MCPH1: variants seen among roughly 807,000 people sequenced by gnomAD.
The protein encoded by MCPH1 is microcephalin 1, also known as microcephalin.
MCPH1 carries 104 observed loss-of-function variants against 84.5 expected under a neutral mutation model. The ratio of observed to expected loss-of-function variants is 1.23; its 90% confidence interval spans 1.05 to 1.45. The LOEUF (loss-of-function observed/expected upper bound fraction) is 1.45. MCPH1 is among the 40% of genes most tolerant of loss of function. MCPH1 has a pLI of 0.00. For synonymous variants in MCPH1, 514 were observed against 366.8 expected, an observed-to-expected ratio of 1.40 and a Z score of -4.58; for missense variants, 1,498 against 1,005.7, an observed-to-expected ratio of 1.49 and a Z score of -6.62.
chr8:6,504,687 G>T (rs918931895), intron 12 of MCPH1, among the ~76,000 whole-genome samples: 1 of 152,044 alleles, frequency 6.6e-6, no homozygotes, highest in African/African-American at 2.4e-5. Context: ...CGTACACTAA[G>T]GATGCTAAGA....
intron 11 of MCPH1, among the ~76,000 whole-genome samples, chr8:6,486,779 C>G (rs900926465): frequency 6.6e-6 from 1 of 152,146 alleles, no homozygotes; most frequent in Non-Finnish European, 1.5e-5. Flanking sequence ...GGAAGTAACA[C>G]AACAGAAAAA....
chr8:6,406,869 TGCTCCTGCTCTCTCCCCCGCTGCCTGTC>T (rs1797778641), intron 1 of MCPH1, among the ~76,000 whole-genome samples, 180 bp downstream of exon 1: 1 of 4,792 alleles, frequency 2.1e-4, no homozygotes, highest in African/African-American at 5.0e-4. Flanking sequence ...CAAAACCCCC[TGCTCCTGCTCTCTCCCCCGCTGCCTGTC>T]CCCCCAAAAC....
At chr8:6,637,345 G>A (rs1157366178) in intron 13 of MCPH1, among the ~76,000 whole-genome samples, 1 of 152,220 alleles carries the variant, frequency 6.6e-6, no homozygotes, top group African/African-American at 2.4e-5. Flanking sequence ...TGGCATTTGA[G>A]CTGAGGCCCA....
intron 2 of MCPH1, among the ~76,000 whole-genome samples, chr8:6,410,294 C>G (rs997417240): frequency 6.6e-6 from 1 of 151,814 alleles, no homozygotes; most frequent in Non-Finnish European, 1.5e-5. Flanking sequence ...TTTTAATTGC[C>G]TTTCAGAACT....
chr8:6,595,305 AT>A (rs1828834623), intron 12 of MCPH1, among the ~76,000 whole-genome samples: 1 of 152,180 alleles, frequency 6.6e-6, no homozygotes, highest in Non-Finnish European at 1.5e-5. Context: ...CAAATAGGGT[AT>A]GTACTGTAGG....
intron 11 of MCPH1, among the ~76,000 whole-genome samples, chr8:6,484,914 A>G (rs1231066493): frequency 6.6e-6 from 1 of 152,240 alleles, no homozygotes. Context: ...TCTTTGGGGC[A>G]TTGGAATTGT....
At chr8:6,407,766 A>G (rs867084962) in intron 1 of MCPH1, among the ~76,000 whole-genome samples, 1 of 152,190 alleles carries the variant, frequency 6.6e-6, no homozygotes, top group Non-Finnish European at 1.5e-5. Flanking sequence ...TTTTGAGAAG[A>G]GGATATCCAC....
chr8:6,455,899 A>G (rs1330264475), intron 9 of MCPH1, among the ~76,000 whole-genome samples: 1 of 152,192 alleles, frequency 6.6e-6, no homozygotes, highest in East Asian at 1.9e-4. Context: ...TCAGAATGGT[A>G]GGGAAAAACC....
chr8:6,505,474 T>TAC lies in MCPH1; in HGVS notation c.2214+5546_2214+5547insCA, dbSNP rs1465702085. Among the ~76,000 whole-genome samples, 317 of 50,242 alleles carry TAC rather than the reference T, an allele frequency of 6.3e-3. 1 individual carries two copies. Among genetic ancestry groups the TAC allele is most frequent in the African/African-American group, 0.014 (173 of 12,138 alleles). The allele number at this position is 50,242 out of a possible 152,430, so 33.0% of individuals were successfully genotyped here. On this transcript the variant is annotated intron_variant, in intron 12 of 13. Coordinates refer to ENST00000344683, the MANE Select transcript of MCPH1 (RefSeq NM_024596.5). Reference sequence around the variant, plus strand: ...ATATAGAATATATATATTCTTTACATATATAGAATATATATATTCTTTATA... The same window carrying TAC: ...ATATAGAATATATATATTCTTTACATACATATAGAATATATATATTCTTTATA...
At chr8:6,548,931 C>CCT (rs1365541817) in intron 12 of MCPH1, among the ~76,000 whole-genome samples, 1 of 152,208 alleles carries the variant, frequency 6.6e-6, no homozygotes, top group African/African-American at 2.4e-5. Flanking sequence ...TCCTTGTTAA[C>CCT]CTCTGGTTAT....
In MCPH1 at chr8:6,505,362, T is replaced by C. The variant is rs527634744; in HGVS notation, c.2214+5433T>C. 1.7e-3 allele frequency among the ~76,000 whole-genome samples: 88 copies of C among 50,644 alleles called. 4 individuals carry two copies. The highest frequency in any genetic ancestry group is 0.011 in the Admixed American group (52 of 4,858). The allele number at this position is 50,644 out of a possible 152,430, so 33.2% of individuals were successfully genotyped here. ...AGAATATATATATTCTTTCTATATG[T>C]ATATAGAATATATATATTCTTTCTA... On this transcript the variant is annotated intron_variant, in intron 12 of 13. Coordinates refer to ENST00000344683, the MANE Select transcript of MCPH1 (RefSeq NM_024596.5).
At chr8:6,419,368 G>C (rs1304814885) in intron 3 of MCPH1, among the ~76,000 whole-genome samples, 2 of 150,556 alleles carry the variant, frequency 1.3e-5, no homozygotes, top group Non-Finnish European at 2.9e-5. Flanking sequence ...CTGTAGGCAT[G>C]TGCCACCATG....
At chr8:6,492,484 C>G (rs1409683673) in intron 11 of MCPH1, among the ~76,000 whole-genome samples, 1 of 151,682 alleles carries the variant, frequency 6.6e-6, no homozygotes, top group African/African-American at 2.4e-5. Flanking sequence ...TTAATTAGAT[C>G]CCATTTATCA....
At chr8:6,449,010 ACATTT>A (rs1804750039) in intron 8 of MCPH1, among the ~76,000 whole-genome samples, 1 of 152,202 alleles carries the variant, frequency 6.6e-6, no homozygotes, top group African/African-American at 2.4e-5. Flanking sequence ...GGGAATAATA[ACATTT>A]CATTTAATTG....
chr8:6,643,268 T>G lies in MCPH1; in HGVS notation c.*219T>G. On this transcript the variant is annotated 3_prime_UTR_variant, in exon 14 of 14. Coordinates refer to ENST00000344683, the MANE Select transcript of MCPH1 (RefSeq NM_024596.5). ...GCTTCGGGCCTTTTTATTTTTATTT[T>G]ATTTTTTATTTTTTGAGACGGAGTC... The G allele has an allele frequency of 1.8e-6, 1 of 566,590 alleles. No homozygotes were observed. Among genetic ancestry groups the G allele is most frequent in the Non-Finnish European group, 3.1e-6 (1 of 320,436 alleles). The allele number at this position is 566,590 out of a possible 1,614,324, so 35.1% of individuals were successfully genotyped here. A position where few individuals can be genotyped will look rare whatever the true frequency, so the allele number is the denominator to read the frequency against.
At chr8:6,552,534 T>C (rs546071487) in intron 12 of MCPH1, among the ~76,000 whole-genome samples, 1 of 152,336 alleles carries the variant, frequency 6.6e-6, no homozygotes, top group East Asian at 1.9e-4. Context: ...TGACTGGAAT[T>C]ATAACCTTTA....
intron 1 of MCPH1, among the ~76,000 whole-genome samples, chr8:6,407,798 A>G (rs965211827): frequency 6.6e-6 from 1 of 152,200 alleles, no homozygotes; most frequent in Non-Finnish European, 1.5e-5. Context: ...TCCACTCACT[A>G]TGCCCCCCAG....
rs370946832 is a variant in MCPH1 at position 6,476,460 on chromosome 8, T to C, written c.1936-1134T>C. Among the ~76,000 whole-genome samples, 53 of 147,492 alleles carry C rather than the reference T, an allele frequency of 3.6e-4. No homozygotes were observed. In the South Asian group the frequency reaches 8.8e-3, roughly 25 times the overall value. On this transcript the variant is annotated intron_variant, in intron 9 of 13. Coordinates refer to ENST00000344683, the MANE Select transcript of MCPH1 (RefSeq NM_024596.5). ...AAAAAAAAAAAGAAGAAGAAAAAAA[T>C]TCAGTCATAGACCAAACTTAAAAGC... is the stretch of plus-strand genomic sequence containing the variant.
intron 8 of MCPH1, among the ~76,000 whole-genome samples, chr8:6,453,989 A>C (rs1460806511): frequency 6.6e-6 from 1 of 152,180 alleles, no homozygotes; most frequent in Non-Finnish European, 1.5e-5. Flanking sequence ...GAAAGTATTA[A>C]CATTTTTATT....
Sources: allele counts gnomAD v4.1 joint callset (sites outside exome capture counted in the v4.1 genomes callset), GRCh38; gene constraint gnomAD v4.1.1; transcripts MANE v1.5; gene names NCBI Gene and HGNC (gene_info 2026-07-23, HGNC 2026-07-21).